The following CELF4 variants were observed in gnomAD, a reference collection of about 807,000 sequenced individuals.
CELF4 encodes the protein CUGBP Elav-like family member 4.
In CELF4, 18 loss-of-function variants were observed where a neutral mutation model predicts 59.9. The ratio of observed to expected loss-of-function variants is 0.30; its 90% CI spans 0.21 to 0.45. CELF4 has a LOEUF of 0.45. CELF4 is among the 20% of genes least tolerant of loss of function. The pLI is 1.00. For missense variants in CELF4, 456 were observed against 689.0 expected (o/e 0.66, Z 3.79); for synonymous variants, 261 against 267.1 (o/e 0.98, Z 0.22).
chr18:37,382,684 T>C (rs985572573), intron 2 of CELF4, among the ~76,000 whole-genome samples: 4 of 152,222 alleles, frequency 2.6e-5, no homozygotes, highest in Non-Finnish European at 4.4e-5. Context: ...AACACAGAAC[T>C]GAGAAGTAGG....
At chr18:37,337,543 TCTGA>T (rs1360506210) in intron 2 of CELF4, among the ~76,000 whole-genome samples, 1 of 152,064 alleles carries the variant, frequency 6.6e-6, no homozygotes, top group African/African-American at 2.4e-5. Flanking sequence ...CACCCACCCA[TCTGA>T]CTGCAGCCCT....
chr18:37,355,441 G>C (rs1250868258), intron 2 of CELF4, among the ~76,000 whole-genome samples: 2 of 152,194 alleles, frequency 1.3e-5, no homozygotes, highest in African/African-American at 2.4e-5. Context: ...GGGAGGCTGA[G>C]GCAGGTGGAT....
chr18:37,463,261 A>G (rs2099798724), intron 2 of CELF4, among the ~76,000 whole-genome samples: 1 of 152,164 alleles, frequency 6.6e-6, no homozygotes, highest in Non-Finnish European at 1.5e-5. Context: ...TGAGCCTCAC[A>G]TGTCCATGGC....
At chr18:37,292,649 T>C (rs577611026) in intron 3 of CELF4, among the ~76,000 whole-genome samples, 1 of 152,288 alleles carries the variant, frequency 6.6e-6, no homozygotes, top group East Asian at 1.9e-4. Context: ...TAACAGACTT[T>C]AATGCAATCA....
At chr18:37,482,228 G>T (rs1467674445) in intron 2 of CELF4, among the ~76,000 whole-genome samples, 3 of 152,092 alleles carry the variant, frequency 2.0e-5, no homozygotes, top group African/African-American at 7.2e-5. Context: ...ACTTGTTGAT[G>T]GATTGAGAAA....
intron 2 of CELF4, among the ~76,000 whole-genome samples, chr18:37,442,033 G>T (rs562295174): frequency 1.3e-5 from 2 of 151,764 alleles, no homozygotes; most frequent in East Asian, 3.9e-4. Flanking sequence ...GACACGGTGT[G>T]TCACCCTTTA....
chr18:37,425,440 C>A (rs138478012), intron 2 of CELF4, among the ~76,000 whole-genome samples: 186 of 152,350 alleles, frequency 1.2e-3, no homozygotes, highest in African/African-American at 4.2e-3. Context: ...GAGGCAGCTG[C>A]TGCAGGAAGC....
intron 2 of CELF4, among the ~76,000 whole-genome samples, chr18:37,326,772 G>T (rs916514634): frequency 1.3e-5 from 2 of 152,294 alleles, no homozygotes; most frequent in Non-Finnish European, 2.9e-5. Flanking sequence ...CCTGCGGCAG[G>T]GGGTGGGCAG....
At chr18:37,423,304 C>T (rs144308439) in intron 2 of CELF4, among the ~76,000 whole-genome samples, 6 of 152,350 alleles carry the variant, frequency 3.9e-5, no homozygotes, top group African/African-American at 7.2e-5. Context: ...ATGAAATAAA[C>T]AGCACTGGGA....
intron 2 of CELF4, among the ~76,000 whole-genome samples, chr18:37,393,702 G>A (rs996581413): frequency 6.6e-6 from 1 of 152,180 alleles, no homozygotes; most frequent in Non-Finnish European, 1.5e-5. Flanking sequence ...CGGTACCTGA[G>A]TCTCTCTTGG....
intron 1 of CELF4, among the ~76,000 whole-genome samples, chr18:37,501,991 C>T (rs2099932375): frequency 6.6e-6 from 1 of 152,148 alleles, no homozygotes; most frequent in South Asian, 2.1e-4. Flanking sequence ...GAACCAGTAG[C>T]CCTCGGCTGA....
chr18:37,415,155 G>C (rs561507793), intron 2 of CELF4, among the ~76,000 whole-genome samples: 6 of 152,336 alleles, frequency 3.9e-5, no homozygotes, highest in African/African-American at 1.2e-4. Context: ...AGTGGTGGCT[G>C]AACTGAGCCC....
intron 2 of CELF4, among the ~76,000 whole-genome samples, chr18:37,451,263 A>G (rs1327339471): frequency 1.3e-5 from 2 of 152,102 alleles, no homozygotes; most frequent in Admixed American, 6.5e-5. Flanking sequence ...TGAGCCTGAT[A>G]AGGGAGGTGG....
intron 2 of CELF4, among the ~76,000 whole-genome samples, chr18:37,372,479 C>A (rs1012587459): frequency 6.6e-6 from 1 of 151,956 alleles, no homozygotes; most frequent in Non-Finnish European, 1.5e-5. Flanking sequence ...CGGGGCCTGT[C>A]GTGGGATGGG....
intron 3 of CELF4, among the ~76,000 whole-genome samples, chr18:37,321,183 C>T (rs561254569): frequency 1.3e-5 from 2 of 152,262 alleles, no homozygotes; most frequent in African/African-American, 2.4e-5. Context: ...ACCCTTCCAG[C>T]GGTGAGCCTC....
intron 2 of CELF4, among the ~76,000 whole-genome samples, chr18:37,459,204 T>G (rs1019011093): frequency 1.3e-5 from 2 of 152,212 alleles, no homozygotes; most frequent in African/African-American, 4.8e-5. Context: ...TTTCTTGCGC[T>G]CATAGGTTTT....
At chr18:37,524,270 T>G (rs2099960957) in intron 1 of CELF4, among the ~76,000 whole-genome samples, 1 of 152,058 alleles carries the variant, frequency 6.6e-6, no homozygotes, top group Non-Finnish European at 1.5e-5. Flanking sequence ...AAGAGGCCTG[T>G]GATGTTGGTG....
intron 1 of CELF4, among the ~76,000 whole-genome samples, chr18:37,532,191 CAT>C (rs2099970096): frequency 6.6e-6 from 1 of 152,224 alleles, no homozygotes; most frequent in South Asian, 2.1e-4. Context: ...ATTTCACAAT[CAT>C]ATCCATTCAT....
rs964914060 is a variant in CELF4, at chr18:37,334,532, G to A, written c.370-12651C>T. 2.6e-5 allele frequency among the ~76,000 whole-genome samples: 4 copies of A among 152,098 alleles called. No homozygotes were observed. In the South Asian group the frequency reaches 8.3e-4, roughly 32 times the overall value. On this transcript the variant is annotated intron_variant, in intron 2 of 12. Coordinates refer to ENST00000420428, the MANE Select transcript of CELF4 (RefSeq NM_020180.4). Reference sequence around the variant, plus strand: ...GGCTGGGTGGGAGTGAGAAGGGGGTGGCATTGTGGCCACCGGCGGCTGGAC... The same window carrying A: ...GGCTGGGTGGGAGTGAGAAGGGGGTAGCATTGTGGCCACCGGCGGCTGGAC...
Sources: gnomAD v4.1 joint callset for allele counts (sites outside exome capture counted in the v4.1 genomes callset) on GRCh38, gnomAD v4.1.1 for gene constraint, MANE v1.5 for transcripts, NCBI Gene and HGNC (gene_info 2026-07-23, HGNC 2026-07-21) for gene names.